PEX5L: variants seen among roughly 807,000 people sequenced by gnomAD.
PEX5L encodes PEX5-related protein.
In PEX5L, 30 loss-of-function variants were observed where a neutral mutation model predicts 84.0. That is an observed-to-expected ratio of 0.36 (90% CI 0.27 to 0.48). The LOEUF is 0.48. Among genes scored for constraint, PEX5L ranks in the 20% least tolerant of loss-of-function variants. PEX5L has a pLI of 0.99. For missense variants in PEX5L, 533 were observed against 754.6 expected, an observed-to-expected ratio of 0.71 and a Z score of 3.44; for synonymous variants, 270 against 283.1, an observed-to-expected ratio of 0.95 and a Z score of 0.46.
At chr3:179,932,453 C>T (rs1334176557) in intron 2 of PEX5L, among the ~76,000 whole-genome samples, 1 of 152,014 alleles carries the variant, frequency 6.6e-6, no homozygotes, top group African/African-American at 2.4e-5. Flanking sequence ...ACCCTACCTC[C>T]CCAGAAAAGA....
At chr3:179,971,201 C>CTCTCTCTG (rs1784650520) in intron 2 of PEX5L, among the ~76,000 whole-genome samples, 1 of 152,004 alleles carries the variant, frequency 6.6e-6, no homozygotes, top group Admixed American at 6.6e-5. Context: ...CTTTCTCTCT[C>CTCTCTCTG]TCAATTATAT....
intron 3 of PEX5L, chr3:179,888,239 G>T (rs1756517893): frequency 2.8e-6 from 3 of 1,072,102 alleles, no homozygotes; most frequent in Admixed American, 2.4e-5. Context: ...GATCAGTGTG[G>T]GTGGATAAAT....
intron 2 of PEX5L, chr3:179,921,478 T>A (rs1769368916): frequency 6.6e-6 from 1 of 152,218 alleles, no homozygotes; most frequent in Non-Finnish European, 1.5e-5. Context: ...TGTATTCTGT[T>A]CAATTATTTG....
At chr3:179,981,749 A>G (rs1432954158) in intron 1 of PEX5L, among the ~76,000 whole-genome samples, 1 of 152,164 alleles carries the variant, frequency 6.6e-6, no homozygotes, top group East Asian at 1.9e-4. Flanking sequence ...TGAAGGATGC[A>G]TATTTTTCCA....
intron 3 of PEX5L, among the ~76,000 whole-genome samples, chr3:179,890,992 G>A (rs568642906): frequency 2.7e-5 from 4 of 146,606 alleles, no homozygotes; most frequent in Admixed American, 1.4e-4. Context: ...TTTGGAGTCC[G>A]TCTCTTTATT....
chr3:179,976,245 T>C (rs1193159527), intron 1 of PEX5L, among the ~76,000 whole-genome samples: 1 of 152,210 alleles, frequency 6.6e-6, no homozygotes, highest in Non-Finnish European at 1.5e-5. Flanking sequence ...CAGATGCTGA[T>C]GAGAGGTTAC....
At chr3:179,965,319 G>A (rs942493797) in intron 2 of PEX5L, among the ~76,000 whole-genome samples, 1 of 152,160 alleles carries the variant, frequency 6.6e-6, no homozygotes, top group Non-Finnish European at 1.5e-5. Flanking sequence ...TCTAGACTTG[G>A]GACTGACCAA....
At chr3:179,875,537 G>C in intron 5 of PEX5L, 60 bp from the exon 6 acceptor site, 1 of 1,182,252 alleles carries the variant, frequency 8.5e-7, no homozygotes. Flanking sequence ...AGGGGGAGCG[G>C]TGGCGGGGAG....
Position 179,816,838 on chromosome 3 carries a change from A to G in PEX5L, c.940-834T>C, listed in dbSNP as rs553780733. Among the ~76,000 whole-genome samples the G allele has an allele frequency of 2.6e-3, 393 of 151,848 alleles. 3 individuals carry two copies. The highest frequency in any genetic ancestry group is 9.1e-3 in the African/African-American group (376 of 41,418). On this transcript the variant is annotated intron_variant, in intron 9 of 14. Transcript: ENST00000467460. ...TATGAATATAGTACATTTTCATTGT[A>G]TAAAGTTTAGATAATACTAAATAAT...
At chr3:179,991,188 C>T (rs912809558) in intron 1 of PEX5L, among the ~76,000 whole-genome samples, 5 of 152,146 alleles carry the variant, frequency 3.3e-5, no homozygotes, top group Middle Eastern at 3.2e-3. Flanking sequence ...TTGGAGCTCC[C>T]GGATGCTTGC....
intron 2 of PEX5L, among the ~76,000 whole-genome samples, chr3:179,970,894 A>T (rs1454015617): frequency 6.6e-6 from 1 of 152,120 alleles, no homozygotes; most frequent in Non-Finnish European, 1.5e-5. Flanking sequence ...ATGTGCAGTT[A>T]TCTTGTCTCC....
chr3:179,917,025 A>G (rs1767396676), intron 2 of PEX5L, among the ~76,000 whole-genome samples: 1 of 121,684 alleles, frequency 8.2e-6, no homozygotes, highest in African/African-American at 3.0e-5. Context: ...ATACAAACAC[A>G]TTGTATGGCT....
At chr3:179,818,301 C>A (rs1450224915) in intron 9 of PEX5L, among the ~76,000 whole-genome samples, 1 of 151,046 alleles carries the variant, frequency 6.6e-6, no homozygotes, top group East Asian at 1.9e-4. Flanking sequence ...TTGTGGGTAC[C>A]TAATAGGTAT....
intron 8 of PEX5L, among the ~76,000 whole-genome samples, chr3:179,823,925 C>T (rs1431370719): frequency 1.3e-5 from 2 of 152,096 alleles, no homozygotes; most frequent in Non-Finnish European, 2.9e-5. Flanking sequence ...GCCTTCTAGT[C>T]TATTTAATAA....
intron 2 of PEX5L, among the ~76,000 whole-genome samples, chr3:179,940,259 G>A (rs1001045909): frequency 2.6e-5 from 4 of 152,036 alleles, no homozygotes; most frequent in African/African-American, 9.7e-5. Context: ...GCTTGGAGGA[G>A]AGGAATGGGT....
chr3:180,006,362 C>A (rs1788894822), intron 1 of PEX5L, among the ~76,000 whole-genome samples: 1 of 143,150 alleles, frequency 7.0e-6, no homozygotes. Context: ...TAAAAGTTTT[C>A]ATTATTTTTT....
intron 2 of PEX5L, among the ~76,000 whole-genome samples, chr3:179,918,974 T>C (rs549117671): frequency 6.6e-6 from 1 of 152,346 alleles, no homozygotes; most frequent in African/African-American, 2.4e-5. Context: ...ATGTACTGTA[T>C]ATCTCAGGCC....
At chr3:179,810,540 T>G (rs56881229) in intron 11 of PEX5L, among the ~76,000 whole-genome samples, 41,902 of 151,908 alleles carry the variant, frequency 0.28, 6,037 homozygotes, top group African/African-American at 0.34. Flanking sequence ...TCATCTGGGG[T>G]GTCTTATAAA....
intron 1 of PEX5L, among the ~76,000 whole-genome samples, chr3:180,024,941 C>T (rs1249292251): frequency 6.6e-6 from 1 of 152,068 alleles, no homozygotes; most frequent in Non-Finnish European, 1.5e-5. Context: ...GCTTCTAATT[C>T]CACATGATCT....
Sources: gnomAD v4.1 joint callset for allele counts (sites outside exome capture counted in the v4.1 genomes callset) on GRCh38, gnomAD v4.1.1 for gene constraint, MANE v1.5 for transcripts, NCBI Gene and HGNC (gene_info 2026-07-23, HGNC 2026-07-21) for gene names.